HTR2C: variants seen among roughly 807,000 people sequenced by gnomAD.
The protein encoded by HTR2C is 5-hydroxytryptamine receptor 2C.
A neutral mutation model predicts 21.0 loss-of-function variants in HTR2C; 5 were observed. The ratio of observed to expected loss-of-function variants is 0.24; its 90% CI spans 0.12 to 0.50. HTR2C has a LOEUF of 0.50. Among genes scored for constraint, HTR2C ranks in the 20% least tolerant of loss-of-function variants. The probability of loss-of-function intolerance (pLI) is 0.98; values close to 1 mark genes in which losing one functional copy is unlikely to be tolerated. For synonymous variants in HTR2C, 150 were observed against 145.3 expected, an observed-to-expected ratio of 1.03 and a Z score of -0.23; for missense variants, 271 against 371.2, an observed-to-expected ratio of 0.73 and a Z score of 2.22.
At chrX:114,708,481 CAT>C (rs1932838448) in intron 2 of HTR2C, among the ~76,000 whole-genome samples, 1 of 111,430 alleles carries the variant, frequency 9.0e-6, no homozygotes, top group African/African-American at 3.3e-5. Context: ...GGTTTAGAGA[CAT>C]AGAGTTGGTT....
intron 2 of HTR2C, among the ~76,000 whole-genome samples, chrX:114,726,380 A>C (rs1322015016): frequency 5.4e-5 from 6 of 112,065 alleles, no homozygotes; most frequent in African/African-American, 1.9e-4. Context: ...CGGCTCGCGC[A>C]CGGTGCGTGC....
chrX:114,707,046 A>T (rs782707733), intron 2 of HTR2C, among the ~76,000 whole-genome samples: 1 of 111,830 alleles, frequency 8.9e-6, no homozygotes, highest in Non-Finnish European at 1.9e-5. Context: ...TTCAATTACT[A>T]TTGCATATAA....
At chrX:114,852,871 T>C (rs2070931263) in intron 5 of HTR2C, among the ~76,000 whole-genome samples, 2 of 110,508 alleles carry the variant, frequency 1.8e-5, no homozygotes, top group South Asian at 7.6e-4. Context: ...GTGTTTCATA[T>C]TATTGGAAGT....
At chrX:114,787,474 A>G (rs995641946) in intron 4 of HTR2C, among the ~76,000 whole-genome samples, 6 of 111,931 alleles carry the variant, frequency 5.4e-5, no homozygotes, top group African/African-American at 1.3e-4. Flanking sequence ...TATGGAAAAA[A>G]TGAACTGAAA....
At chrX:114,743,048 A>C (rs1192950734) in intron 4 of HTR2C, among the ~76,000 whole-genome samples, 1 of 71,561 alleles carries the variant, frequency 1.4e-5, no homozygotes. Context: ...GTCCCTACAA[A>C]GGACATGAAC....
intron 4 of HTR2C, among the ~76,000 whole-genome samples, chrX:114,803,142 T>A (rs1286585953): frequency 1.0e-5 from 1 of 96,935 alleles, no homozygotes; most frequent in African/African-American, 3.7e-5. Flanking sequence ...TGTTGGACAT[T>A]TGGGTTGGTC....
At chrX:114,806,121 C>T (rs1556449317) in intron 4 of HTR2C, among the ~76,000 whole-genome samples, 1 of 98,220 alleles carries the variant, frequency 1.0e-5, no homozygotes, top group Non-Finnish European at 2.0e-5. Context: ...CATATATGCA[C>T]CATATGTATA....
chrX:114,893,249 A>T lies in HTR2C; in HGVS notation c.551-13340A>T, dbSNP rs782711481. Among the ~76,000 whole-genome samples, 48 of 111,025 alleles carry T rather than the reference A, an allele frequency of 4.3e-4. 1 individual carries two copies. Among genetic ancestry groups the T allele is most frequent in the African/African-American group, 1.6e-3 (48 of 30,581 alleles). On this transcript the variant is annotated intron_variant, in intron 5 of 5. Transcript: ENST00000276198. Reference sequence around the variant, plus strand: ...ATTTATAAGGAAAAGTAATGGACCTAGGAGAGTTAAAATAATTTTGAAAAA... The same window carrying T: ...ATTTATAAGGAAAAGTAATGGACCTTGGAGAGTTAAAATAATTTTGAAAAA...
intron 2 of HTR2C, among the ~76,000 whole-genome samples, chrX:114,717,393 T>A (rs190398849): frequency 8.9e-6 from 1 of 112,364 alleles, no homozygotes; most frequent in Admixed American, 9.5e-5. Context: ...TTTAAAAAAA[T>A]TTAGTGTGAA....
chrX:114,613,715 C>T (rs1293606769), intron 1 of HTR2C, 100 bp from the exon 2 acceptor site: 2 of 111,869 alleles, frequency 1.8e-5, no homozygotes, highest in African/African-American at 6.5e-5. Context: ...ATCAGCCTTA[C>T]TACTTTTCAG....
chrX:114,611,378 A>C (rs1258925377), intron 1 of HTR2C, among the ~76,000 whole-genome samples: 7 of 112,145 alleles, frequency 6.2e-5, no homozygotes, highest in Admixed American at 1.9e-4. Context: ...GCGATGTATA[A>C]TTCTTGTTGT....
chrX:114,624,729 G>C (rs1929308762), intron 2 of HTR2C, among the ~76,000 whole-genome samples: 1 of 111,992 alleles, frequency 8.9e-6, no homozygotes, highest in Non-Finnish European at 1.9e-5. Flanking sequence ...ACTCCTGATA[G>C]TTTAGAGTCT....
chrX:114,713,411 A>T (rs182740099), intron 2 of HTR2C, among the ~76,000 whole-genome samples: 24 of 111,327 alleles, frequency 2.2e-4, no homozygotes, highest in Non-Finnish European at 4.2e-4. Context: ...TTTCTTTTTA[A>T]AATGTACTTT....
chrX:114,621,823 C>T lies in HTR2C; in HGVS notation c.-80+7942C>T, dbSNP rs781829951. ...AGAAGGCTCAATGAAAGGGGGGTCC[C>T]TTAAATGCATGTCTAAATAGTTTTA... On this transcript the variant is annotated intron_variant, in intron 2 of 5. Coordinates refer to ENST00000276198, the MANE Select transcript of HTR2C (RefSeq NM_000868.4). Among the ~76,000 whole-genome samples, 20 of 112,006 alleles carry T rather than the reference C, an allele frequency of 1.8e-4. No individual in the cohort carries two copies. In the South Asian group the frequency reaches 1.9e-3, roughly 10 times the overall value.
chrX:114,853,834 T>C (rs957697170), intron 5 of HTR2C, among the ~76,000 whole-genome samples: 2 of 112,031 alleles, frequency 1.8e-5, no homozygotes, highest in South Asian at 3.6e-4. Flanking sequence ...ATTTTCCATA[T>C]TAACGTTAAC....
chrX:114,628,782 G>A (rs1242877964), intron 2 of HTR2C, among the ~76,000 whole-genome samples: 2 of 111,885 alleles, frequency 1.8e-5, no homozygotes, highest in Non-Finnish European at 3.8e-5. Flanking sequence ...CGGAATTTCT[G>A]TAGGTGAATT....
intron 4 of HTR2C, among the ~76,000 whole-genome samples, chrX:114,798,148 A>G (rs1556445803): frequency 9.0e-6 from 1 of 111,404 alleles, no homozygotes; most frequent in East Asian, 2.8e-4. Context: ...ACTAGTTTAT[A>G]CTCAGAGTCT....
intron 4 of HTR2C, among the ~76,000 whole-genome samples, chrX:114,761,770 A>G (rs2069869005): frequency 9.3e-6 from 1 of 107,682 alleles, no homozygotes; most frequent in Non-Finnish European, 1.9e-5. Flanking sequence ...GCTTCATGTT[A>G]TATGTCACTT....
At chrX:114,626,214 CAA>C (rs199644007) in intron 2 of HTR2C, among the ~76,000 whole-genome samples, 1 of 89,284 alleles carries the variant, frequency 1.1e-5, no homozygotes, top group African/African-American at 4.2e-5. Context: ...CCCATCTCTG[CAA>C]AAAAAAAAAA....
Sources: gnomAD v4.1 joint callset for allele counts (sites outside exome capture counted in the v4.1 genomes callset) on GRCh38, gnomAD v4.1.1 for gene constraint, MANE v1.5 for transcripts, NCBI Gene and HGNC (gene_info 2026-07-23, HGNC 2026-07-21) for gene names.